NBPF3: variants seen among roughly 807,000 people sequenced by gnomAD.
The protein encoded by NBPF3 is NBPF member 3.
Under a neutral mutation model 78.1 loss-of-function variants are expected in NBPF3, and 57 were observed. That is an observed-to-expected ratio of 0.73 (90% CI 0.59 to 0.91). The LOEUF (loss-of-function observed/expected upper bound fraction) is 0.91. NBPF3 is among the 40% of genes least tolerant of loss of function. NBPF3 has a pLI of 0.00. For missense variants in NBPF3, 510 were observed against 715.3 expected (o/e 0.71, Z 3.27); for synonymous variants, 182 against 271.7 (o/e 0.67, Z 3.25).
intron 2 of NBPF3, among the ~76,000 whole-genome samples, chr1:21,451,095 T>C (rs1436810407): frequency 6.6e-6 from 1 of 152,224 alleles, no homozygotes; most frequent in Non-Finnish European, 1.5e-5. Flanking sequence ...TTTCTCACAC[T>C]CTTTTGCATA....
At chr1:21,478,346 A>G (rs781214394) in intron 9 of NBPF3, 39 bp downstream of exon 9, 48 of 1,603,190 alleles carry the variant, frequency 3.0e-5, no homozygotes, top group Non-Finnish European at 4.1e-5. Context: ...GCTCCAGTTC[A>G]TGTCCCAGGT....
chr1:21,436,862 C>T (rs181977836), upstream of NBPF3: 766 of 668,666 alleles, frequency 1.1e-3, 5 homozygotes, highest in African/African-American at 0.014. The surrounding 1 kb of genome is among the most constrained non-coding windows in gnomAD (Gnocchi z 4.3). Flanking sequence ...GGGGGAGGGG[C>T]TCGCGCCCTC....
Position 21,480,178 on chromosome 1 carries a change from T to C in NBPF3, c.1336T>C (p.Tyr446His), listed in dbSNP as rs1311512233. 2 of 1,231,024 alleles carry C rather than the reference T, an allele frequency of 1.6e-6. No individual in the cohort carries two copies. The highest frequency in any genetic ancestry group is 2.3e-6 in the Non-Finnish European group (2 of 866,734). 76.3% of individuals were successfully genotyped at this position (1,231,024 alleles called of 1,614,324 possible). A position where few individuals can be genotyped will look rare whatever the true frequency, so the allele number is the denominator to read the frequency against. ...DLCQPYRSDF[Y>H]SLQEQHLGLA... Reference sequence around the variant, plus strand: ...ATGCCAGCCCTACAGAAGTGACTTTTACTCATTGCAGGAACAACACCTTGG... The same window carrying C: ...ATGCCAGCCCTACAGAAGTGACTTTCACTCATTGCAGGAACAACACCTTGG... The change falls in exon 11 of 15, where the codon TAC becomes CAC. Residue 446 changes from tyrosine to histidine, a missense_variant. Around this residue, in one of 5 missense-constraint regions of NBPF3, gnomAD observed 22 missense variants for 59.9 expected, o/e 0.37. Coordinates refer to ENST00000318249, the MANE Select transcript of NBPF3 (RefSeq NM_032264.6).
At chr1:21,479,606 G>A (rs1643071511) in intron 10 of NBPF3, among the ~76,000 whole-genome samples, 1 of 152,120 alleles carries the variant, frequency 6.6e-6, no homozygotes, top group Admixed American at 6.5e-5. Context: ...ACCTAGTGAA[G>A]GTTGACCATA....
At chr1:21,443,754 C>G (rs1296742764) in intron 1 of NBPF3, among the ~76,000 whole-genome samples, 1 of 152,042 alleles carries the variant, frequency 6.6e-6, no homozygotes, top group Non-Finnish European at 1.5e-5. Context: ...GCTGGGTCTA[C>G]AGGCATGCAC....
At chr1:21,482,575 C>T (rs1476599061) in intron 14 of NBPF3, 40 bp downstream of exon 14, 1 of 92,326 alleles carries the variant, frequency 1.1e-5, no homozygotes, top group East Asian at 2.7e-4. Flanking sequence ...TCTGTGTTAA[C>T]ACCTGGAGAC....
chr1:21,479,273 G>A, intron 9 of NBPF3, 76 bp from the exon 10 acceptor site: 1 of 1,453,558 alleles, frequency 6.9e-7, no homozygotes, highest in Non-Finnish European at 9.6e-7. Context: ...CCTGTGTTAG[G>A]ATTGGACAGA....
At chr1:21,473,651 G>A in intron 7 of NBPF3, 66 bp downstream of exon 7, 2 of 1,326,696 alleles carry the variant, frequency 1.5e-6, no homozygotes, top group Non-Finnish European at 2.2e-6. Flanking sequence ...CTGAAGACAG[G>A]CTCTATACAC....
intron 2 of NBPF3, 61 bp from the exon 3 acceptor site, chr1:21,468,627 T>C (rs1315142485): frequency 4.3e-6 from 7 of 1,611,448 alleles, no homozygotes; most frequent in Admixed American, 1.7e-5. Context: ...TCAGTCCTGA[T>C]TAAACCTATT....
At chr1:21,482,382 T>C in intron 13 of NBPF3, 102 bp from the exon 14 acceptor site, 1 of 135,364 alleles carries the variant, frequency 7.4e-6, no homozygotes, top group Non-Finnish European at 1.3e-5. Flanking sequence ...CCTATTCTTA[T>C]GCTGAGGAGC....
intron 2 of NBPF3, chr1:21,466,883 C>G: frequency 1.6e-6 from 1 of 617,146 alleles, no homozygotes; most frequent in Non-Finnish European, 2.0e-6. Flanking sequence ...AGCAAAATGC[C>G]TTGTACGAAT....
intron 10 of NBPF3, among the ~76,000 whole-genome samples, chr1:21,479,803 T>TAA (rs1392308753): frequency 2.3e-5 from 2 of 85,252 alleles, no homozygotes; most frequent in African/African-American, 6.6e-5. Context: ...TCTCTCTCTC[T>TAA]CTCTCTCTCT....
intron 1 of NBPF3, among the ~76,000 whole-genome samples, chr1:21,444,581 G>A (rs1569914248): frequency 1.3e-5 from 2 of 151,582 alleles, no homozygotes; most frequent in African/African-American, 2.4e-5. Flanking sequence ...TTTTCCCGCC[G>A]GGCTGGAGTA....
At chr1:21,437,514 C>G, upstream of NBPF3, 2 of 1,432,578 alleles carry the variant, frequency 1.4e-6, no homozygotes, top group South Asian at 2.5e-5. Flanking sequence ...CTGCGGAGAG[C>G]CAAGAAGCTC....
Position 21,478,946 on chromosome 1 carries a change from C to T in NBPF3, c.1157-403C>T, listed in dbSNP as rs142930118. ...CTTTGACTCAAGAGCTGGTACATTG[C>T]ACCCCTCCATCAAATCTCAGTGTCC... On this transcript the variant is annotated intron_variant, in intron 9 of 14. Coordinates refer to ENST00000318249, the MANE Select transcript of NBPF3 (RefSeq NM_032264.6). 5.2e-4 allele frequency among the ~76,000 whole-genome samples: 79 copies of T among 152,366 alleles called. No individual in the cohort carries two copies. The East Asian group carries it at 0.015, about 29-fold the overall frequency.
intron 2 of NBPF3, among the ~76,000 whole-genome samples, chr1:21,464,544 T>C (rs377746888): frequency 4.6e-5 from 7 of 152,126 alleles, no homozygotes; most frequent in African/African-American, 1.7e-4. Context: ...GCGATGGTTG[T>C]GAAAGTTTTG....
At chr1:21,441,563 T>C (rs926156119) in intron 1 of NBPF3, among the ~76,000 whole-genome samples, 4 of 151,978 alleles carry the variant, frequency 2.6e-5, no homozygotes, top group Non-Finnish European at 4.4e-5. Flanking sequence ...AAAAGTTAGC[T>C]GTGTGTGGTG....
intron 7 of NBPF3, among the ~76,000 whole-genome samples, chr1:21,473,932 T>C (rs1642748982): frequency 6.6e-6 from 1 of 152,208 alleles, no homozygotes; most frequent in South Asian, 2.1e-4. Context: ...TTCTCTGCCT[T>C]TTTAAGGCGA....
In NBPF3 at chr1:21,476,287, T is replaced by G. The variant is rs1433099057; in HGVS notation, c.992+1336T>G. Among the ~76,000 whole-genome samples, 2 of 152,208 alleles carry G rather than the reference T, an allele frequency of 1.3e-5. No individual in the cohort carries two copies. Among genetic ancestry groups the G allele is most frequent in the Non-Finnish European group, 2.9e-5 (2 of 68,046 alleles). On this transcript the variant is annotated intron_variant, in intron 8 of 14. Coordinates refer to ENST00000318249, the MANE Select transcript of NBPF3 (RefSeq NM_032264.6). The surrounding 1 kb of genome is among the most constrained non-coding windows in gnomAD (Gnocchi z 4.1). ...GCCTATTTACATTTCAGGTTACTAT[T>G]GTTATGTGTGAATTTGATCCTGTCA... is the stretch of plus-strand genomic sequence containing the variant.
Sources: gnomAD v4.1 joint callset for allele counts (sites outside exome capture counted in the v4.1 genomes callset) on GRCh38, gnomAD v4.1.1 for gene constraint, gnomAD v4.1.1 regional missense constraint, Gnocchi (gnomAD v3.1) non-coding constraint, MANE v1.5 for transcripts, NCBI Gene and HGNC (gene_info 2026-07-23, HGNC 2026-07-21) for gene names.